Variants in FHIT observed in about 807,000 individuals in gnomAD.
FHIT encodes fragile histidine triad diadenosine triphosphatase.
A neutral mutation model predicts 17.9 loss-of-function variants in FHIT; 19 were observed. That is an observed-to-expected ratio of 1.06 (90% CI 0.74 to 1.56). FHIT has a LOEUF of 1.56. FHIT is among the 40% of genes most tolerant of loss of function. The pLI is 0.00. For missense variants in FHIT, 248 were observed against 189.2 expected (o/e 1.31, Z -1.82); for synonymous variants, 81 against 69.7 (o/e 1.16, Z -0.81).
At chr3:60,395,310 A>G (rs888329079) in intron 5 of FHIT, among the ~76,000 whole-genome samples, 2 of 152,134 alleles carry the variant, frequency 1.3e-5, no homozygotes, top group African/African-American at 4.8e-5. Flanking sequence ...AGCATTTTAT[A>G]TGGACTGTCT....
intron 7 of FHIT, among the ~76,000 whole-genome samples, chr3:59,992,172 T>A (rs1417243825): frequency 1.3e-5 from 2 of 152,054 alleles, no homozygotes; most frequent in East Asian, 3.9e-4. Flanking sequence ...CCCCTACTAC[T>A]TCCCTTCAGA....
intron 5 of FHIT, among the ~76,000 whole-genome samples, chr3:60,091,376 G>A (rs56205635): frequency 2.6e-5 from 4 of 152,130 alleles, no homozygotes; most frequent in African/African-American, 9.7e-5. Context: ...GCGAAATGTC[G>A]CTGTTCAGGT....
At chr3:60,597,290 T>C (rs1042470513) in intron 4 of FHIT, among the ~76,000 whole-genome samples, 5 of 152,146 alleles carry the variant, frequency 3.3e-5, no homozygotes, top group African/African-American at 1.2e-4. Flanking sequence ...TGAGAACTTT[T>C]GCTATAAAAT....
chr3:61,044,387 T>C (rs2033681151), intron 2 of FHIT, among the ~76,000 whole-genome samples: 1 of 152,106 alleles, frequency 6.6e-6, no homozygotes, highest in Non-Finnish European at 1.5e-5. Context: ...GTATCACTGA[T>C]TGAAGACCAA....
At position 61,210,528 on chromosome 3, in the gene FHIT, G is replaced by A. The variant is rs552856038; in HGVS notation, c.-212-9863C>T. On this transcript the variant is annotated intron_variant, in intron 1 of 9. Coordinates refer to ENST00000492590, the MANE Select transcript of FHIT (RefSeq NM_002012.4). ...TGGCAGGCGCCCCTCCCCCAGCCTCGCTGCCGCCTTGCAGTTTGATCTCAG... is the reference window on the plus strand; with the variant it reads ...TGGCAGGCGCCCCTCCCCCAGCCTCACTGCCGCCTTGCAGTTTGATCTCAG... Among the ~76,000 whole-genome samples, 23 of 152,306 alleles carry A rather than the reference G, an allele frequency of 1.5e-4. No individual in the cohort carries two copies. In the Middle Eastern group the frequency reaches 0.01, roughly 68 times the overall value.
intron 5 of FHIT, among the ~76,000 whole-genome samples, chr3:60,356,753 C>CAAAAAAAAAAAAAAAAAAAAAAAA (rs57588436): frequency 1.5e-4 from 9 of 58,678 alleles, no homozygotes; most frequent in Non-Finnish European, 2.1e-4. Flanking sequence ...AAGACAGAGA[C>CAAAAAAAAAAAAAAAAAAAAAAAA]AAAAAAAAAA....
intron 4 of FHIT, among the ~76,000 whole-genome samples, chr3:60,793,201 T>G (rs1700848563): frequency 6.6e-6 from 1 of 152,190 alleles, no homozygotes; most frequent in African/African-American, 2.4e-5. Context: ...ATTCATGATT[T>G]CTTTTTAAAT....
intron 7 of FHIT, among the ~76,000 whole-genome samples, chr3:59,997,606 A>T (rs959746461): frequency 6.6e-6 from 1 of 152,200 alleles, no homozygotes. Context: ...ACACATTGTC[A>T]GTATGTGAAC....
At chr3:60,032,430 T>G (rs541241630) in intron 5 of FHIT, among the ~76,000 whole-genome samples, 26 of 151,084 alleles carry the variant, frequency 1.7e-4, no homozygotes, top group South Asian at 1.1e-3. Context: ...CCAGCCTAGG[T>G]GAAGGAGCAA....
At chr3:60,969,387 A>G (rs1050122486) in intron 3 of FHIT, among the ~76,000 whole-genome samples, 2 of 151,296 alleles carry the variant, frequency 1.3e-5, no homozygotes, top group Non-Finnish European at 3.0e-5. Context: ...ATTTTCTTCT[A>G]CTTTCTTTGC....
At chr3:60,229,753 G>T (rs2107549976) in intron 5 of FHIT, among the ~76,000 whole-genome samples, 1 of 152,282 alleles carries the variant, frequency 6.6e-6, no homozygotes, top group Middle Eastern at 3.4e-3. Context: ...GTAGGCCAAG[G>T]TGAGAGGATC....
chr3:60,232,529 G>A (rs527403208), intron 5 of FHIT, among the ~76,000 whole-genome samples: 1 of 152,256 alleles, frequency 6.6e-6, no homozygotes, highest in East Asian at 1.9e-4. Flanking sequence ...GAAATTAAAT[G>A]GAATCCTTAG....
At chr3:60,884,862 G>A (rs1553758905) in intron 3 of FHIT, among the ~76,000 whole-genome samples, 3 of 144,272 alleles carry the variant, frequency 2.1e-5, no homozygotes, top group Non-Finnish European at 4.5e-5. Flanking sequence ...CCGTGTCTGT[G>A]CCATTTTAAC....
chr3:60,381,066 G>A (rs1435163468), intron 5 of FHIT, among the ~76,000 whole-genome samples: 1 of 152,106 alleles, frequency 6.6e-6, no homozygotes, highest in African/African-American at 2.4e-5. Context: ...ATGAATAAGA[G>A]CTTGGTGCTT....
intron 5 of FHIT, among the ~76,000 whole-genome samples, chr3:60,254,423 A>T (rs1014750881): frequency 6.6e-6 from 1 of 152,162 alleles, no homozygotes; most frequent in Admixed American, 6.5e-5. Flanking sequence ...AATTAGAGAT[A>T]CTATATCAAA....
chr3:60,368,194 TTAAAAA>T (rs1366274497), intron 5 of FHIT, among the ~76,000 whole-genome samples: 2 of 122,394 alleles, frequency 1.6e-5, no homozygotes, highest in East Asian at 2.6e-4. Flanking sequence ...ACATATCTTT[TTAAAAA>T]AAAAAAAAAA....
Position 60,683,029 on chromosome 3 carries a change from A to T in FHIT, c.-18+138890T>A, listed in dbSNP as rs1383201870. 2.0e-5 allele frequency among the ~76,000 whole-genome samples: 3 copies of T among 152,234 alleles called. No individual in the cohort carries two copies. The East Asian group carries it at 5.8e-4, about 29-fold the overall frequency. ...GGAAGAAATAGCGACAACTAGAATC[A>T]GAAGTAAAGCTTGAAGATGTGACTG... On this transcript the variant is annotated intron_variant, in intron 4 of 9. Transcript: ENST00000492590.
chr3:60,390,552 CAGA>C (rs1231692450), intron 5 of FHIT, among the ~76,000 whole-genome samples: 5 of 151,704 alleles, frequency 3.3e-5, no homozygotes, highest in Non-Finnish European at 7.4e-5. Context: ...GGAGTTGCTC[CAGA>C]AGAAGGCGTT....
chr3:60,724,645 CTGTTTTTTTTTTT>C (rs782017322), intron 4 of FHIT, among the ~76,000 whole-genome samples: 50 of 141,644 alleles, frequency 3.5e-4, no homozygotes, highest in Non-Finnish European at 6.4e-4. Context: ...TATTAACTGT[CTGTTTTTTTTTTT>C]TGTTTTTTTT....
Sources: gnomAD v4.1 joint callset for allele counts (sites outside exome capture counted in the v4.1 genomes callset) on GRCh38, gnomAD v4.1.1 for gene constraint, MANE v1.5 for transcripts, NCBI Gene and HGNC (gene_info 2026-07-23, HGNC 2026-07-21) for gene names.